The following CACNA2D1 variants were observed in gnomAD, a reference collection of about 807,000 sequenced individuals.
CACNA2D1 encodes the protein calcium voltage-gated channel auxiliary subunit alpha2delta 1, also known as voltage-dependent calcium channel subunit alpha-2/delta-1.
A neutral mutation model predicts 171.5 loss-of-function variants in CACNA2D1; 53 were observed. The observed-to-expected ratio is 0.31, with a 90% CI of 0.25 to 0.39. The LOEUF is 0.39. Among genes scored for constraint, CACNA2D1 ranks in the 10% least tolerant of loss-of-function variants. The pLI, the probability that CACNA2D1 is intolerant of heterozygous loss-of-function variation, is 1.00. For synonymous variants in CACNA2D1, 442 were observed against 443.1 expected (o/e 1.00, Z 0.03); for missense variants, 903 against 1,299.8 (o/e 0.69, Z 4.69).
intron 3 of CACNA2D1, among the ~76,000 whole-genome samples, chr7:82,199,107 A>C (rs1264412604): frequency 6.6e-6 from 1 of 152,070 alleles, no homozygotes; most frequent in East Asian, 1.9e-4. Flanking sequence ...TGTAATATCC[A>C]CTTGTTCAAA....
At chr7:82,094,353 T>C (rs1273336870) in intron 6 of CACNA2D1, among the ~76,000 whole-genome samples, 1 of 152,232 alleles carries the variant, frequency 6.6e-6, no homozygotes, top group Non-Finnish European at 1.5e-5. Context: ...ATGAGGTTAA[T>C]ATCCTTGTAT....
chr7:81,951,528 A>G (rs566274289), intron 38 of CACNA2D1, among the ~76,000 whole-genome samples: 5 of 152,144 alleles, frequency 3.3e-5, no homozygotes, highest in African/African-American at 1.2e-4. Context: ...AAAGTCCATT[A>G]TATCATTCTT....
chr7:82,404,393 G>A (rs1009685438), intron 1 of CACNA2D1, among the ~76,000 whole-genome samples: 6 of 152,082 alleles, frequency 3.9e-5, no homozygotes, highest in Admixed American at 6.6e-5. Context: ...CTTTCTTTCC[G>A]AAGCCTGGAA....
chr7:82,056,155 T>C (rs556766876), intron 10 of CACNA2D1, among the ~76,000 whole-genome samples: 9 of 151,778 alleles, frequency 5.9e-5, no homozygotes, highest in African/African-American at 2.2e-4. Context: ...TGAGATAATA[T>C]GCCAGGGAAT....
At chr7:82,068,088 T>C (rs2128987876) in intron 7 of CACNA2D1, among the ~76,000 whole-genome samples, 1 of 152,304 alleles carries the variant, frequency 6.6e-6, no homozygotes, top group South Asian at 2.1e-4. Context: ...TCACAGGCTC[T>C]TGCAGCATGT....
chr7:82,309,187 C>T (rs1814109255), intron 3 of CACNA2D1, among the ~76,000 whole-genome samples: 1 of 152,032 alleles, frequency 6.6e-6, no homozygotes, highest in African/African-American at 2.4e-5. Flanking sequence ...GGGTGGATCA[C>T]CTGAGGTCAG....
At chr7:82,426,754 C>A (rs1244346770) in intron 1 of CACNA2D1, among the ~76,000 whole-genome samples, 1 of 152,114 alleles carries the variant, frequency 6.6e-6, no homozygotes, top group African/African-American at 2.4e-5. Flanking sequence ...TTTTTCTGCA[C>A]ACAAGGCCAA....
At chr7:81,980,080 C>T (rs1048211741) in intron 24 of CACNA2D1, among the ~76,000 whole-genome samples, 6 of 92,580 alleles carry the variant, frequency 6.5e-5, no homozygotes, top group Admixed American at 4.6e-4. Context: ...GTTGGGATTT[C>T]GGAGGGAGCG....
intron 3 of CACNA2D1, among the ~76,000 whole-genome samples, chr7:82,291,843 T>C (rs1811677898): frequency 6.6e-6 from 1 of 151,584 alleles, no homozygotes; most frequent in East Asian, 1.9e-4. Context: ...CTATTTTTGT[T>C]ATATACTTCC....
In CACNA2D1 at chr7:82,181,041, ATTTTTTTTTTTTTTTTTTTT is replaced by A. The variant is rs71093367; in HGVS notation, c.295-10452_295-10433del. On this transcript the variant is annotated intron_variant, in intron 3 of 38. Coordinates refer to ENST00000356860, the MANE Select transcript of CACNA2D1 (RefSeq NM_000722.4). ...GGTCAGCAGCTGTGGGGCATGTCGG[ATTTTTTTTTTTTTTTTTTTT>A]TTTTTTTTTTTTTTTTGCGTCAGTG... Among the ~76,000 whole-genome samples, 20 of 13,962 alleles carry A rather than the reference ATTTTTTTTTTTTTTTTTTTT, an allele frequency of 1.4e-3. No individual in the cohort carries two copies. The South Asian group carries it at 0.039, about 27-fold the overall frequency. The allele number at this position is 13,962 out of a possible 152,430, so 9.2% of individuals were successfully genotyped here.
intron 1 of CACNA2D1, among the ~76,000 whole-genome samples, chr7:82,420,112 T>G (rs1008512008): frequency 6.6e-5 from 10 of 152,182 alleles, no homozygotes; most frequent in African/African-American, 2.4e-4. Flanking sequence ...AAATTAGTGG[T>G]TTTGCATTAA....
rs1258924821 is a variant in CACNA2D1 at position 82,138,440 on chromosome 7, GTTTTTTTT to G, written c.355-1772_355-1765del. Among the ~76,000 whole-genome samples, 187 of 95,392 alleles carry G rather than the reference GTTTTTTTT, an allele frequency of 2.0e-3. 1 individual carries two copies. The highest frequency in any genetic ancestry group is 6.6e-3 in the African/African-American group (182 of 27,778). The allele number at this position is 95,392 out of a possible 152,430, so 62.6% of individuals were successfully genotyped here. A position where few individuals can be genotyped will look rare whatever the true frequency, so the allele number is the denominator to read the frequency against. On this transcript the variant is annotated intron_variant, in intron 4 of 38. Coordinates refer to ENST00000356860, the MANE Select transcript of CACNA2D1 (RefSeq NM_000722.4). The stretch of plus-strand genomic sequence containing the variant: ...TTATAGCATTAGTTTTGTTTTTTTT[GTTTTTTTT>G]GTTTTTTTTTTTTTTTGAGACAGAG...
At chr7:82,128,184 C>A (rs984311829) in intron 5 of CACNA2D1, among the ~76,000 whole-genome samples, 4 of 151,918 alleles carry the variant, frequency 2.6e-5, no homozygotes, top group African/African-American at 9.7e-5. Context: ...CCTGCCTCAG[C>A]CTCCTGAAGT....
intron 3 of CACNA2D1, among the ~76,000 whole-genome samples, chr7:82,307,874 G>C (rs1356123338): frequency 6.6e-6 from 1 of 152,318 alleles, no homozygotes; most frequent in East Asian, 1.9e-4. Context: ...GTTTGTCCCA[G>C]CAAAAACCTG....
At chr7:82,386,892 T>A (rs941909229) in intron 1 of CACNA2D1, among the ~76,000 whole-genome samples, 1 of 151,964 alleles carries the variant, frequency 6.6e-6, no homozygotes, top group Non-Finnish European at 1.5e-5. Context: ...TTCCTTTTTA[T>A]TGTAAAAATA....
At chr7:82,429,238 T>C (rs535269485) in intron 1 of CACNA2D1, among the ~76,000 whole-genome samples, 4 of 152,352 alleles carry the variant, frequency 2.6e-5, no homozygotes, top group Admixed American at 6.5e-5. Flanking sequence ...CTTATAACTT[T>C]CACTTGATAT....
intron 11 of CACNA2D1, among the ~76,000 whole-genome samples, chr7:82,034,966 G>A (rs973625207): frequency 3.9e-5 from 6 of 152,072 alleles, no homozygotes; most frequent in African/African-American, 1.4e-4. Context: ...AGGACTTGTG[G>A]TGGAGCCAAG....
At chr7:82,344,906 A>T (rs1460353419) in intron 2 of CACNA2D1, among the ~76,000 whole-genome samples, 1 of 152,110 alleles carries the variant, frequency 6.6e-6, no homozygotes, top group Non-Finnish European at 1.5e-5. Context: ...ACTTCTTTAA[A>T]ATTTTATATT....
chr7:82,214,967 A>G (rs1800949622), intron 3 of CACNA2D1, among the ~76,000 whole-genome samples: 1 of 152,236 alleles, frequency 6.6e-6, no homozygotes, highest in African/African-American at 2.4e-5. Flanking sequence ...TAATTCAAAT[A>G]AAGTTTAATG....
Sources: gnomAD v4.1 joint callset for allele counts (sites outside exome capture counted in the v4.1 genomes callset) on GRCh38, gnomAD v4.1.1 for gene constraint, MANE v1.5 for transcripts, NCBI Gene and HGNC (gene_info 2026-07-23, HGNC 2026-07-21) for gene names.